MEMO1: variants seen among roughly 807,000 people sequenced by gnomAD.
MEMO1 encodes the protein mediator of cell motility 1.
MEMO1 carries 6 observed loss-of-function variants against 45.2 expected under a neutral mutation model. That is an observed-to-expected ratio of 0.13 (90% CI 0.07 to 0.26). MEMO1 has a LOEUF of 0.26. MEMO1 is among the 10% of genes least tolerant of loss of function. The pLI is 1.00. For synonymous variants in MEMO1, 78 were observed against 124.3 expected (o/e 0.63, Z 2.48); for missense variants, 184 against 370.5 (o/e 0.50, Z 4.13).
At chr2:31,896,034 G>A (rs1441876485) in intron 6 of MEMO1, among the ~76,000 whole-genome samples, 2 of 151,352 alleles carry the variant, frequency 1.3e-5, no homozygotes, top group African/African-American at 2.4e-5. Flanking sequence ...TAGTAGAGAC[G>A]GGGTTTCACC....
At chr2:31,904,345 T>C (rs1679347532) in intron 6 of MEMO1, among the ~76,000 whole-genome samples, 2 of 152,248 alleles carry the variant, frequency 1.3e-5, no homozygotes, top group Admixed American at 6.5e-5. Context: ...GTAAACACTT[T>C]CCTTCTGAGA....
chr2:31,887,668 G>A (rs1676397809), intron 7 of MEMO1, among the ~76,000 whole-genome samples: 1 of 152,112 alleles, frequency 6.6e-6, no homozygotes, highest in Admixed American at 6.6e-5. Flanking sequence ...CTTTCAATCT[G>A]AAGTGCTAAT....
intron 2 of MEMO1, among the ~76,000 whole-genome samples, chr2:32,001,021 C>A: frequency 6.7e-6 from 1 of 149,768 alleles, no homozygotes. Flanking sequence ...TCAGAAGTGC[C>A]ATAAATTTTG....
intron 3 of MEMO1, among the ~76,000 whole-genome samples, chr2:31,933,331 AAAAAAAAAAAAAAAAAAATT>A (rs1558513982): frequency 1.2e-4 from 7 of 60,252 alleles, no homozygotes; most frequent in South Asian, 1.4e-3. Flanking sequence ...AAAAAAAAAA[AAAAAAAAAAAAAAAAAAATT>A]TATATATATA....
intron 6 of MEMO1, among the ~76,000 whole-genome samples, chr2:31,902,483 A>C (rs1188825194): frequency 6.6e-6 from 1 of 152,140 alleles, no homozygotes; most frequent in Non-Finnish European, 1.5e-5. Flanking sequence ...TTGCAGAAGA[A>C]AAAAAAGAAA....
intron 2 of MEMO1, among the ~76,000 whole-genome samples, chr2:31,954,811 G>A (rs930215036): frequency 2.8e-4 from 42 of 151,326 alleles, no homozygotes; most frequent in African/African-American, 9.7e-4. Flanking sequence ...TCCAGCCTGG[G>A]CAATAACAGC....
intron 6 of MEMO1, among the ~76,000 whole-genome samples, chr2:31,902,921 AAATTCT>A (rs1178298145): frequency 6.6e-6 from 1 of 152,146 alleles, no homozygotes. Context: ...TGAAAATTCT[AAATTCT>A]AATTCTAACA....
intron 8 of MEMO1, among the ~76,000 whole-genome samples, chr2:31,881,647 T>A (rs185805542): frequency 1.7e-4 from 26 of 152,218 alleles, no homozygotes; most frequent in Admixed American, 3.3e-4. Context: ...AAAATAATTT[T>A]GTTTTCTTAT....
At chr2:31,886,703 A>T (rs1572571430) in intron 7 of MEMO1, among the ~76,000 whole-genome samples, 2 of 152,218 alleles carry the variant, frequency 1.3e-5, no homozygotes, top group East Asian at 3.8e-4. Context: ...AAACAAATAC[A>T]ATTGCCCATG....
At chr2:31,992,133 T>C (rs1672020354) in intron 2 of MEMO1, among the ~76,000 whole-genome samples, 1 of 152,236 alleles carries the variant, frequency 6.6e-6, no homozygotes, top group South Asian at 2.1e-4. Flanking sequence ...AAGGCATATT[T>C]CTTTCCACAT....
intron 6 of MEMO1, among the ~76,000 whole-genome samples, chr2:31,899,117 A>T (rs759740406): frequency 6.6e-6 from 1 of 152,224 alleles, no homozygotes; most frequent in African/African-American, 2.4e-5. Context: ...GCCCAAAGTA[A>T]GTTATAGATT....
intron 6 of MEMO1, among the ~76,000 whole-genome samples, chr2:31,906,043 G>A (rs1679657254): frequency 6.6e-6 from 1 of 150,966 alleles, no homozygotes; most frequent in South Asian, 2.1e-4. Context: ...GCGCAATCTC[G>A]GGCACTGCAA....
chr2:31,969,592 T>G (rs777801231), intron 2 of MEMO1, among the ~76,000 whole-genome samples: 4,174 of 69,510 alleles, frequency 0.06, 56 homozygotes, highest in Non-Finnish European at 0.069. Flanking sequence ...TGTGGGTGTG[T>G]GTGTGTGTGT....
At chr2:31,958,981 T>C (rs1667697487) in intron 2 of MEMO1, among the ~76,000 whole-genome samples, 1 of 152,156 alleles carries the variant, frequency 6.6e-6, no homozygotes, top group Non-Finnish European at 1.5e-5. Flanking sequence ...AGACTAGAAC[T>C]GTGTGCCTAA....
At chr2:31,891,954 A>G (rs373211643) in intron 7 of MEMO1, 38 bp downstream of exon 7, 28 of 1,572,868 alleles carry the variant, frequency 1.8e-5, no homozygotes, top group African/African-American at 1.1e-4. Context: ...CCAGAAGTAT[A>G]TAACATCTAC....
At chr2:31,906,957 C>CA (rs1281919792) in intron 6 of MEMO1, among the ~76,000 whole-genome samples, 1 of 152,144 alleles carries the variant, frequency 6.6e-6, no homozygotes, top group African/African-American at 2.4e-5. Flanking sequence ...GCAACCCAGA[C>CA]AAAAAACATC....
intron 2 of MEMO1, among the ~76,000 whole-genome samples, chr2:31,995,282 T>A (rs1278813857): frequency 6.6e-6 from 1 of 151,852 alleles, no homozygotes; most frequent in Admixed American, 6.6e-5. Context: ...TGAAACCTCA[T>A]CTCTACTAAA....
At chr2:31,949,947 A>G (rs1666644987) in intron 2 of MEMO1, among the ~76,000 whole-genome samples, 1 of 152,164 alleles carries the variant, frequency 6.6e-6, no homozygotes, top group Non-Finnish European at 1.5e-5. Flanking sequence ...TTAAAAAGAT[A>G]CCATCAATAT....
chr2:31,999,536 G>A (rs530617965), intron 2 of MEMO1, among the ~76,000 whole-genome samples: 21 of 152,122 alleles, frequency 1.4e-4, no homozygotes, highest in African/African-American at 4.3e-4. Context: ...CAGGCACGCT[G>A]GTGCCTGCCT....
Sources: gnomAD v4.1 joint callset for allele counts (sites outside exome capture counted in the v4.1 genomes callset) on GRCh38, gnomAD v4.1.1 for gene constraint, MANE v1.5 for transcripts, NCBI Gene and HGNC (gene_info 2026-07-23, HGNC 2026-07-21) for gene names.